Variants in STX3 observed in about 807,000 individuals in gnomAD.
STX3 encodes syntaxin 3, also known as syntaxin-3.
A neutral mutation model predicts 40.2 loss-of-function variants in STX3; 19 were observed. The ratio of observed to expected loss-of-function variants is 0.47; its 90% CI spans 0.33 to 0.69. The LOEUF is 0.69. STX3 is among the 30% of genes least tolerant of loss of function. The pLI is 0.02. For synonymous variants in STX3, 122 were observed against 132.2 expected (o/e 0.92, Z 0.53); for missense variants, 364 against 366.7 (o/e 0.99, Z 0.06).
chr11:59,771,392 G>GA (rs1863620232), intron 1 of STX3, among the ~76,000 whole-genome samples: 1 of 49,126 alleles, frequency 2.0e-5, no homozygotes, highest in African/African-American at 1.0e-4. Flanking sequence ...TTTGCCCCCC[G>GA]TCCCCCCACC....
At position 59,805,150 on chromosome 11, in the gene STX3, C is replaced by T. The variant is rs555223304; in HGVS notation, c.*4326C>T. 6.7e-6 allele frequency: 1 copy of T among 148,300 alleles called. No individual in the cohort carries two copies. Among genetic ancestry groups the T allele is most frequent in the Non-Finnish European group, 1.5e-5 (1 of 67,660 alleles). 9.2% of individuals were successfully genotyped at this position (148,300 alleles called of 1,614,324 possible). On this transcript the variant is annotated 3_prime_UTR_variant, in exon 11 of 11. Transcript: ENST00000337979. ...CGAGATCGCGCCACTGCACTCCAGC[C>T]TGGGCAACAAGAGCTAAATTCCATC... is the stretch of plus-strand genomic sequence containing the variant.
intron 2 of STX3, among the ~76,000 whole-genome samples, chr11:59,775,985 A>G (rs934709529): frequency 6.6e-6 from 1 of 152,250 alleles, no homozygotes. Flanking sequence ...AACTGTTCCA[A>G]GTATCAGTGG....
In STX3 at chr11:59,773,216, G is replaced by C. The variant is rs755445972; in HGVS notation, c.36G>C (p.Gln12His). Residue 12 changes from glutamine to histidine, a missense_variant, in exon 2 of 11, where the codon CAG becomes CAC. Coordinates refer to ENST00000337979, the MANE Select transcript of STX3 (RefSeq NM_004177.5). ...KDRLEQLKAKQLTQDDDTDAV... is the reference protein window; with the variant it reads ...KDRLEQLKAKHLTQDDDTDAV... ...CTCTTTTTTGCCTTTTGCAGAAGCA[G>C]CTGACACAGGATGATGATACTGATG... 14 of 1,614,106 alleles carry C rather than the reference G, an allele frequency of 8.7e-6. No individual in the cohort carries two copies. Among genetic ancestry groups the C allele is most frequent in the Admixed American group, 1.7e-5 (1 of 60,000 alleles).
intron 6 of STX3, 94 bp downstream of exon 6, chr11:59,792,309 CACATT>C: frequency 9.6e-7 from 1 of 1,039,438 alleles, no homozygotes; most frequent in Non-Finnish European, 1.5e-6. Flanking sequence ...AAGCAGGAAG[CACATT>C]TTGTGCCTAA....
chr11:59,800,593 C>T, intron 10 of STX3: 1 of 985,396 alleles, frequency 1.0e-6, no homozygotes, highest in Non-Finnish European at 1.2e-6. Flanking sequence ...CCCTTCCCAC[C>T]ACGTCCTTCC....
chr11:59,779,197 T>C (rs1166769006), intron 2 of STX3, among the ~76,000 whole-genome samples: 1 of 152,202 alleles, frequency 6.6e-6, no homozygotes, highest in South Asian at 2.1e-4. Context: ...TACCGTAGAC[T>C]GAATGGCTTA....
intron 1 of STX3, among the ~76,000 whole-genome samples, chr11:59,766,129 T>A (rs1385133840): frequency 6.6e-6 from 1 of 152,206 alleles, no homozygotes; most frequent in East Asian, 1.9e-4. Flanking sequence ...GGGACCCTTT[T>A]GTCTGCCTGG....
intron 2 of STX3, among the ~76,000 whole-genome samples, chr11:59,776,738 G>A (rs1379565312): frequency 6.6e-6 from 1 of 152,212 alleles, no homozygotes; most frequent in Non-Finnish European, 1.5e-5. Flanking sequence ...AATGTGATTT[G>A]CACTGTCAGA....
chr11:59,772,156 G>C (rs749575401), intron 1 of STX3, among the ~76,000 whole-genome samples: 6 of 152,234 alleles, frequency 3.9e-5, no homozygotes, highest in African/African-American at 7.2e-5. Context: ...CTTGGACTTA[G>C]AGGGTCAGAG....
Position 59,803,185 on chromosome 11 carries a change from AT to A in STX3, c.*2362del. The A allele has an allele frequency of 8.1e-7, 1 of 1,231,574 alleles. No homozygotes were observed. The highest frequency in any genetic ancestry group is 1.0e-6 in the Non-Finnish European group (1 of 987,912). 76.3% of individuals were successfully genotyped at this position (1,231,574 alleles called of 1,614,324 possible). Reference sequence around the variant, plus strand: ...AATACTTTTTGCGATGATGTTTCTCATGTATTCTTTCTTTCCTTGTCTGGAT... The same window carrying A: ...AATACTTTTTGCGATGATGTTTCTCAGTATTCTTTCTTTCCTTGTCTGGAT... On this transcript the variant is annotated 3_prime_UTR_variant, in exon 11 of 11. Transcript: ENST00000337979.
In STX3 at chr11:59,795,491, C is replaced by CT. The variant is rs1565190965; in HGVS notation, c.786+10dup. The stretch of plus-strand genomic sequence containing the variant: ...AGAGTCAGGCCCGGAAGGTGAGACT[C>CT]TCCTGTGGCCTTCAGAGAAGAGAGT... On this transcript the variant is annotated intron_variant, in intron 9 of 10. Transcript: ENST00000337979. The CT allele has an allele frequency of 6.2e-7, 1 of 1,606,704 alleles. No homozygotes were observed. Among genetic ancestry groups the CT allele is most frequent in the South Asian group, 1.1e-5 (1 of 89,378 alleles).
intron 5 of STX3, among the ~76,000 whole-genome samples, chr11:59,791,882 G>A (rs1445295362): frequency 2.0e-5 from 3 of 152,176 alleles, no homozygotes; most frequent in Admixed American, 6.5e-5. Flanking sequence ...ACCACGTGAG[G>A]TCAGCAGTAA....
chr11:59,788,142 A>G (rs556978249), intron 3 of STX3, among the ~76,000 whole-genome samples: 1 of 151,886 alleles, frequency 6.6e-6, no homozygotes, highest in Non-Finnish European at 1.5e-5. Flanking sequence ...TACCTGGCCA[A>G]CTCACAGTCC....
At position 59,805,005 on chromosome 11, in the gene STX3, CCT is replaced by C. The variant is rs1366102874; in HGVS notation, c.*4186_*4187del. The C allele has an allele frequency of 6.6e-6, 1 of 151,984 alleles. No homozygotes were observed. The highest frequency in any genetic ancestry group is 2.4e-5 in the African/African-American group (1 of 41,386). 9.4% of individuals were successfully genotyped at this position (151,984 alleles called of 1,614,324 possible). ...CAGACTGACCAACATAGTGAAACCC[CCT>C]CTCTACAAAAAATACAAAAATTAGC... On this transcript the variant is annotated 3_prime_UTR_variant, in exon 11 of 11. Coordinates refer to ENST00000337979, the MANE Select transcript of STX3 (RefSeq NM_004177.5).
At chr11:59,764,029 A>T (rs2134876990) in intron 1 of STX3, among the ~76,000 whole-genome samples, 1 of 152,306 alleles carries the variant, frequency 6.6e-6, no homozygotes, top group African/African-American at 2.4e-5. Context: ...AAAAAAAAAA[A>T]AATAAAAGGA....
intron 2 of STX3, among the ~76,000 whole-genome samples, chr11:59,786,800 G>A (rs1190821378): frequency 1.3e-5 from 2 of 152,124 alleles, no homozygotes; most frequent in African/African-American, 4.8e-5. Context: ...CAAAGTGGGT[G>A]AATGTATTAC....
At chr11:59,773,014 A>AC (rs1863746185) in intron 1 of STX3, among the ~76,000 whole-genome samples, 197 bp from the exon 2 acceptor site, 1 of 122,250 alleles carries the variant, frequency 8.2e-6, no homozygotes, top group Admixed American at 8.4e-5. Context: ...CACACACACA[A>AC]CCCAGCAATT....
intron 1 of STX3, among the ~76,000 whole-genome samples, chr11:59,771,768 C>T (rs1863662661): frequency 6.6e-6 from 1 of 152,038 alleles, no homozygotes; most frequent in Non-Finnish European, 1.5e-5. Flanking sequence ...TTAAAGGGCC[C>T]CACGTGCTCT....
intron 1 of STX3, among the ~76,000 whole-genome samples, chr11:59,765,587 C>G (rs1185017479): frequency 6.6e-6 from 1 of 152,102 alleles, no homozygotes; most frequent in Non-Finnish European, 1.5e-5. Flanking sequence ...GTGGATCACA[C>G]AAGGTCAGGA....
Sources: allele counts gnomAD v4.1 joint callset (sites outside exome capture counted in the v4.1 genomes callset), GRCh38; gene constraint gnomAD v4.1.1; transcripts MANE v1.5; gene names NCBI Gene and HGNC (gene_info 2026-07-23, HGNC 2026-07-21).